Variants in AUTS2 observed in about 807,000 individuals in gnomAD.
AUTS2 encodes activator of transcription and developmental regulator AUTS2.
AUTS2 carries 17 observed loss-of-function variants against 112.4 expected under a neutral mutation model. The ratio of observed to expected loss-of-function variants is 0.15; its 90% CI spans 0.10 to 0.23. AUTS2 has a LOEUF of 0.23. Ranked by LOEUF, AUTS2 falls within the 10% of genes least tolerant of loss-of-function variation. AUTS2 has a pLI of 1.00. For missense variants in AUTS2, 1,510 were observed against 1,701.6 expected (o/e 0.89, Z 1.98); for synonymous variants, 751 against 702.7 (o/e 1.07, Z -1.09).
intron 4 of AUTS2, among the ~76,000 whole-genome samples, chr7:70,402,784 A>G (rs1342104444): frequency 6.6e-6 from 1 of 152,160 alleles, no homozygotes; most frequent in Admixed American, 6.5e-5. Flanking sequence ...AGTAGTTTCA[A>G]GAATTAAGGA....
chr7:69,779,782 TA>T lies in AUTS2; in HGVS notation c.310-119495del, dbSNP rs975513298. Among the ~76,000 whole-genome samples, 160 of 148,688 alleles carry T rather than the reference TA, an allele frequency of 1.1e-3. 2 individuals are homozygous for T. Among genetic ancestry groups the T allele is most frequent in the African/African-American group, 3.6e-3 (146 of 40,484 alleles). The stretch of plus-strand genomic sequence containing the variant: ...CCATCTCAAAAAAAAAAAAAAAAAT[TA>T]AAAAAAAATATATATATGGAAATAC... On this transcript the variant is annotated intron_variant, in intron 1 of 18. Transcript: ENST00000342771.
chr7:70,721,511 G>A (rs976625556), intron 6 of AUTS2, among the ~76,000 whole-genome samples: 1 of 152,088 alleles, frequency 6.6e-6, no homozygotes, highest in Non-Finnish European at 1.5e-5. Context: ...TGTTGGCCAG[G>A]CTGGTCTCAA....
intron 2 of AUTS2, among the ~76,000 whole-genome samples, chr7:70,010,390 C>T (rs1799743273): frequency 6.6e-6 from 1 of 152,158 alleles, no homozygotes; most frequent in Non-Finnish European, 1.5e-5. Context: ...AAGCAATCCT[C>T]CTGCTTCGGC....
At chr7:70,397,617 TTTTA>T (rs920903574) in intron 4 of AUTS2, among the ~76,000 whole-genome samples, 56 of 151,812 alleles carry the variant, frequency 3.7e-4, no homozygotes, top group African/African-American at 1.2e-3. Context: ...AAATATATTC[TTTTA>T]TTTATTTACA....
intron 4 of AUTS2, among the ~76,000 whole-genome samples, chr7:70,148,881 T>TA (rs1380131195): frequency 2.0e-5 from 3 of 152,092 alleles, no homozygotes; most frequent in Non-Finnish European, 4.4e-5. Flanking sequence ...ACAAAGCTAG[T>TA]AAAGAATGTT....
chr7:70,150,489 G>C (rs1414621150), intron 4 of AUTS2, among the ~76,000 whole-genome samples: 1 of 152,134 alleles, frequency 6.6e-6, no homozygotes, highest in Non-Finnish European at 1.5e-5. Flanking sequence ...TAGACATGCT[G>C]TTCTTAATTA....
At chr7:69,966,074 T>C (rs1797625186) in intron 2 of AUTS2, among the ~76,000 whole-genome samples, 1 of 152,218 alleles carries the variant, frequency 6.6e-6, no homozygotes, top group Non-Finnish European at 1.5e-5. Flanking sequence ...ATGAAGCTGC[T>C]GCTTAGCTCA....
chr7:70,508,098 G>A (rs1799040447), intron 5 of AUTS2, among the ~76,000 whole-genome samples: 1 of 152,206 alleles, frequency 6.6e-6, no homozygotes, highest in African/African-American at 2.4e-5. Context: ...ATTCTGTTGT[G>A]CAATTCCATG....
intron 4 of AUTS2, among the ~76,000 whole-genome samples, chr7:70,336,616 A>G (rs1791001912): frequency 6.6e-6 from 1 of 152,140 alleles, no homozygotes. Flanking sequence ...TATGATGTAT[A>G]CACATTCAGG....
chr7:70,358,607 G>C (rs1372612114), intron 4 of AUTS2, among the ~76,000 whole-genome samples: 1 of 152,204 alleles, frequency 6.6e-6, no homozygotes, highest in African/African-American at 2.4e-5. Flanking sequence ...AGCAGCTTAG[G>C]CCATCTGGGA....
At chr7:70,446,760 C>T (rs1418737546) in intron 5 of AUTS2, among the ~76,000 whole-genome samples, 2 of 152,182 alleles carry the variant, frequency 1.3e-5, no homozygotes, top group African/African-American at 2.4e-5. Flanking sequence ...GGCAGGCGGT[C>T]TGATGGGGAG....
chr7:70,657,291 T>G (rs1047247347), intron 5 of AUTS2, among the ~76,000 whole-genome samples: 2 of 152,176 alleles, frequency 1.3e-5, no homozygotes, highest in African/African-American at 4.8e-5. Flanking sequence ...ATCGAGATCA[T>G]GTACAAGTAA....
chr7:70,152,503 C>G (rs565806126), intron 4 of AUTS2, among the ~76,000 whole-genome samples: 12 of 151,396 alleles, frequency 7.9e-5, no homozygotes, highest in Non-Finnish European at 1.8e-4. Flanking sequence ...AATTGCCAAC[C>G]TAGAATTGTA....
At chr7:69,898,380 G>C (rs990671936) in intron 1 of AUTS2, among the ~76,000 whole-genome samples, 1 of 152,074 alleles carries the variant, frequency 6.6e-6, no homozygotes, top group African/African-American at 2.4e-5. Flanking sequence ...CAGGGCAGAG[G>C]ATATTTGCAT....
chr7:69,872,252 G>A (rs1367356796), intron 1 of AUTS2, among the ~76,000 whole-genome samples: 1 of 152,200 alleles, frequency 6.6e-6, no homozygotes, highest in Non-Finnish European at 1.5e-5. Context: ...TTCACACTGA[G>A]GAAAGCATGA....
intron 2 of AUTS2, among the ~76,000 whole-genome samples, chr7:70,009,409 G>A (rs966462909): frequency 7.9e-5 from 12 of 152,146 alleles, no homozygotes; most frequent in African/African-American, 2.9e-4. Context: ...TTTAACGTTG[G>A]TATCGAAAGG....
intron 1 of AUTS2, among the ~76,000 whole-genome samples, chr7:69,876,349 A>AAAAAATATAT (rs1554396465): frequency 3.4e-5 from 1 of 29,494 alleles, no homozygotes; most frequent in African/African-American, 1.5e-4. Context: ...AAAAAAAAAA[A>AAAAAATATAT]ATATATATAT....
intron 2 of AUTS2, among the ~76,000 whole-genome samples, chr7:69,988,471 T>C (rs1346097799): frequency 6.6e-6 from 1 of 152,228 alleles, no homozygotes; most frequent in African/African-American, 2.4e-5. Flanking sequence ...GGATAACATT[T>C]AATGCCAGCT....
At chr7:70,589,018 G>C (rs543313060) in intron 5 of AUTS2, among the ~76,000 whole-genome samples, 55 of 152,308 alleles carry the variant, frequency 3.6e-4, no homozygotes, top group African/African-American at 1.3e-3. Flanking sequence ...TGAAAGTGAA[G>C]CATGTACTTT....
Sources: allele counts gnomAD v4.1 joint callset (sites outside exome capture counted in the v4.1 genomes callset), GRCh38; gene constraint gnomAD v4.1.1; transcripts MANE v1.5; gene names NCBI Gene and HGNC (gene_info 2026-07-23, HGNC 2026-07-21).